Variants in USP24 observed in about 807,000 individuals in gnomAD.
USP24 encodes the protein ubiquitin carboxyl-terminal hydrolase 24.
In USP24, 97 loss-of-function variants were observed where a neutral mutation model predicts 361.6. That is an observed-to-expected ratio of 0.27 (90% CI 0.23 to 0.32). The LOEUF (loss-of-function observed/expected upper bound fraction) is 0.32, where lower values mean the gene tolerates loss of function less well. Ranked by LOEUF, USP24 falls within the 10% of genes least tolerant of loss-of-function variation. USP24 has a pLI of 1.00. For missense variants in USP24, 2,353 were observed against 3,165.6 expected (o/e 0.74, Z 6.16); for synonymous variants, 1,098 against 1,124.6 (o/e 0.98, Z 0.47).
At chr1:55,077,806 AG>A (rs972161688) in intron 61 of USP24, among the ~76,000 whole-genome samples, 4 of 152,254 alleles carry the variant, frequency 2.6e-5, no homozygotes, top group Non-Finnish European at 4.4e-5. Flanking sequence ...AAAGTGGGAA[AG>A]GACATTGTGT....
chr1:55,120,011 G>C (rs1268132823), intron 38 of USP24, among the ~76,000 whole-genome samples: 1 of 152,120 alleles, frequency 6.6e-6, no homozygotes, highest in East Asian at 1.9e-4. Flanking sequence ...GTGTGGTGAA[G>C]GTGAGTTAGA....
intron 32 of USP24, among the ~76,000 whole-genome samples, chr1:55,126,486 T>C (rs1291968555): frequency 2.0e-5 from 3 of 152,258 alleles, no homozygotes; most frequent in African/African-American, 7.2e-5. Flanking sequence ...CTCTAGACTG[T>C]AAGCTTCATG....
intron 42 of USP24, among the ~76,000 whole-genome samples, chr1:55,103,351 C>A (rs190460490): frequency 1.5e-4 from 23 of 152,308 alleles, no homozygotes; most frequent in Admixed American, 9.8e-4. Context: ...ACCTCTATCT[C>A]ATATTGTATC....
At chr1:55,090,182 T>TA (rs537191065) in intron 54 of USP24, among the ~76,000 whole-genome samples, 7 of 149,514 alleles carry the variant, frequency 4.7e-5, no homozygotes, top group South Asian at 2.1e-4. Context: ...CCTTATGGAA[T>TA]AAAAAAAAAA....
rs780606700 is a variant in USP24, at chr1:55,178,118, A to C, written c.339T>G (p.Asn113Lys). 1 of 1,550,820 alleles carries C rather than the reference A, an allele frequency of 6.4e-7. No individual in the cohort carries two copies. The highest frequency in any genetic ancestry group is 1.2e-5 in the South Asian group (1 of 83,946). ...EVVDAEKNDE[N>K]GNCSGEGIEF... ...CAATTCCTTCCCCTGAGCAGTTTCC[A>C]TTCTCATCATTCTTCTGACGAAAAG... Residue 113 changes from asparagine to lysine, a missense_variant, in exon 2 of 68, where the codon AAT becomes AAG. Asn to Lys is a moderately conservative substitution (Grantham distance 94). Around this residue, in one of 8 missense-constraint regions of USP24, gnomAD observed 253 missense variants for 255.3 expected, o/e 0.99. Transcript: ENST00000294383.
chr1:55,177,875 AAC>A (rs2100824094), intron 2 of USP24, 90 bp downstream of exon 2: 1 of 1,237,130 alleles, frequency 8.1e-7, no homozygotes, highest in East Asian at 2.5e-5. Context: ...TCTGTCCAAT[AAC>A]ACACAGCTAG....
chr1:55,105,731 A>G (rs1043986822), intron 41 of USP24, among the ~76,000 whole-genome samples: 1 of 152,220 alleles, frequency 6.6e-6, no homozygotes, highest in African/African-American at 2.4e-5. Context: ...AAGCAGTTGC[A>G]GTTAACAGAA....
intron 38 of USP24, among the ~76,000 whole-genome samples, chr1:55,111,793 C>A (rs114710702): frequency 3.5e-4 from 53 of 152,120 alleles, no homozygotes; most frequent in African/African-American, 1.2e-3. Flanking sequence ...ATCTCAGAAA[C>A]CAAAATCTTG....
chr1:55,110,310 T>C (rs1557574585), intron 38 of USP24, 64 bp from the exon 39 acceptor site: 1 of 1,341,944 alleles, frequency 7.5e-7, no homozygotes, highest in East Asian at 2.7e-5. Flanking sequence ...AGCATTTTCC[T>C]TGTAAGAACA....
intron 18 of USP24, 77 bp from the exon 19 acceptor site, chr1:55,147,137 T>TG (rs1647049671): frequency 1.5e-6 from 2 of 1,378,486 alleles, no homozygotes; most frequent in African/African-American, 3.0e-5. Flanking sequence ...AAACAAAACT[T>TG]TAAGTTTTAA....
intron 39 of USP24, among the ~76,000 whole-genome samples, chr1:55,108,196 G>A (rs1645845286): frequency 6.6e-6 from 1 of 152,208 alleles, no homozygotes; most frequent in Non-Finnish European, 1.5e-5. Context: ...CAGAAGTACA[G>A]CTGCCAGAGT....
intron 1 of USP24, among the ~76,000 whole-genome samples, chr1:55,193,574 G>A (rs1306546796): frequency 6.6e-6 from 1 of 152,078 alleles, no homozygotes; most frequent in Non-Finnish European, 1.5e-5. Context: ...GTTATGCTGG[G>A]CCCTCAGTTT....
chr1:55,156,131 G>T lies in USP24; in HGVS notation c.1446+817C>A, dbSNP rs148956698. On this transcript the variant is annotated intron_variant, in intron 12 of 67. Transcript: ENST00000294383. ...TTCTCTGGCTTACCAACTAGATGAAGAATAATACCATTAATGAAATAGACT... is the reference window on the plus strand; with the variant it reads ...TTCTCTGGCTTACCAACTAGATGAATAATAATACCATTAATGAAATAGACT... 3.0e-3 allele frequency among the ~76,000 whole-genome samples: 459 copies of T among 152,220 alleles called. 5 individuals carry two copies. The highest frequency in any genetic ancestry group is 0.01 in the African/African-American group (420 of 41,544).
At chr1:55,181,726 CTT>C (rs1643972665) in intron 1 of USP24, among the ~76,000 whole-genome samples, 1 of 152,134 alleles carries the variant, frequency 6.6e-6, no homozygotes. Context: ...ACTAGAGCCT[CTT>C]TGGTGAAAGA....
chr1:55,191,871 G>C (rs1294402513), intron 1 of USP24, among the ~76,000 whole-genome samples: 3 of 152,108 alleles, frequency 2.0e-5, no homozygotes, highest in Admixed American at 2.0e-4. Context: ...CCCCCACACA[G>C]TTTAGCAAAG....
In USP24 at chr1:55,157,303, A is replaced by G; in HGVS notation, c.1295T>C (p.Leu432Ser). 1 of 1,603,636 alleles carries G rather than the reference A, an allele frequency of 6.2e-7. No individual in the cohort carries two copies. The highest frequency in any genetic ancestry group is 8.5e-7 in the Non-Finnish European group (1 of 1,177,278). Reference protein sequence around the residue: ...SVKNAIDTDRLLDWLVENSVL... With the variant: ...SVKNAIDTDRSLDWLVENSVL... ...TGAGTTTTCAACTAGCCAATCTAAT[A>G]ATCTGTCTGTATCTATAGCATTCTT... The change falls in exon 11 of 68, where the codon TTA becomes TCA. Residue 432 changes from leucine (L) to serine (S), a missense_variant. Around this residue, in one of 8 missense-constraint regions of USP24, gnomAD observed 386 missense variants for 560.5 expected, o/e 0.69. Transcript: ENST00000294383.
At chr1:55,186,509 G>A (rs1259126144) in intron 1 of USP24, among the ~76,000 whole-genome samples, 1 of 152,124 alleles carries the variant, frequency 6.6e-6, no homozygotes, top group East Asian at 1.9e-4. Flanking sequence ...TAGCCAAAAG[G>A]TGGAAGCAAC....
At chr1:55,069,790 T>G (rs1418218396) in intron 67 of USP24, among the ~76,000 whole-genome samples, 1 of 139,494 alleles carries the variant, frequency 7.2e-6, no homozygotes, top group East Asian at 2.1e-4. Context: ...GGAGAATCGC[T>G]GGAACCTGGG....
At position 55,083,799 on chromosome 1, in the gene USP24, A is replaced by T; in HGVS notation, c.6855T>A (p.Phe2285Leu). The T allele has an allele frequency of 6.2e-7, 1 of 1,600,234 alleles. No homozygotes were observed. The highest frequency in any genetic ancestry group is 8.5e-7 in the Non-Finnish European group (1 of 1,172,946). ...TTTGTACAAAAGTGTTGAACAGGAAAAAGTACTGAGCACAGTTTTTACAAT... is the reference window on the plus strand; with the variant it reads ...TTTGTACAAAAGTGTTGAACAGGAATAAGTACTGAGCACAGTTTTTACAAT... ...PENCKNCAQYFFLFNTFVQKQ... is the reference protein window; with the variant it reads ...PENCKNCAQYLFLFNTFVQKQ... Residue 2285 changes from phenylalanine to leucine, a missense_variant, in exon 57 of 68, where the codon TTT becomes TTA. Around this residue, in one of 8 missense-constraint regions of USP24, gnomAD observed 598 missense variants for 761.9 expected, o/e 0.78. Coordinates refer to ENST00000294383, the MANE Select transcript of USP24 (RefSeq NM_015306.3).
Sources: allele counts gnomAD v4.1 joint callset (sites outside exome capture counted in the v4.1 genomes callset), GRCh38; gene constraint gnomAD v4.1.1; regional missense constraint gnomAD v4.1.1; transcripts MANE v1.5; gene names NCBI Gene and HGNC (gene_info 2026-07-23, HGNC 2026-07-21).